The following PLXDC2 variants were observed in gnomAD, a reference collection of about 807,000 sequenced individuals.
PLXDC2 encodes plexin domain containing 2, also known as plexin domain-containing protein 2.
PLXDC2 carries 40 observed loss-of-function variants against 68.9 expected under a neutral mutation model. The observed-to-expected ratio is 0.58, with a 90% CI of 0.45 to 0.76. PLXDC2 has a LOEUF of 0.76. Among genes scored for constraint, PLXDC2 ranks in the 30% least tolerant of loss-of-function variants. PLXDC2 has a pLI of 0.00. For synonymous variants in PLXDC2, 243 were observed against 234.2 expected (o/e 1.04, Z -0.34); for missense variants, 644 against 661.9 (o/e 0.97, Z 0.30).
In PLXDC2 at chr10:20,245,236, A is replaced by T. The variant is rs548018607; in HGVS notation, c.1313-109A>T. ...TGATGTTGCAGAAAAGTTGTCCAGG[A>T]AGTAAAGATCCAGTCGTACTTTATT... On this transcript the variant is annotated intron_variant, in intron 12 of 13. Coordinates refer to ENST00000377252, the MANE Select transcript of PLXDC2 (RefSeq NM_032812.9). 1.7e-3 allele frequency: 1,996 copies of T among 1,204,890 alleles called. 4 individuals carry two copies. The highest frequency in any genetic ancestry group is 2.0e-3 in the Non-Finnish European group (1,802 of 900,296). 74.6% of individuals were successfully genotyped at this position (1,204,890 alleles called of 1,614,324 possible).
intron 1 of PLXDC2, among the ~76,000 whole-genome samples, chr10:19,829,083 G>A (rs1836631054): frequency 6.6e-6 from 1 of 151,032 alleles, no homozygotes; most frequent in Admixed American, 6.6e-5. Flanking sequence ...TCCTTCCCCA[G>A]GATCCCCGTA....
chr10:19,979,174 A>C (rs965559340), intron 1 of PLXDC2, among the ~76,000 whole-genome samples: 5 of 152,150 alleles, frequency 3.3e-5, no homozygotes, highest in Non-Finnish European at 7.3e-5. Flanking sequence ...CCACTTCTGC[A>C]TAAGACTTTA....
intron 4 of PLXDC2, among the ~76,000 whole-genome samples, chr10:20,110,637 C>T (rs750324311): frequency 1.3e-5 from 2 of 152,138 alleles, no homozygotes; most frequent in Non-Finnish European, 2.9e-5. Context: ...CTCTGAACGC[C>T]GGTCACTGTC....
At chr10:20,025,663 A>C (rs981000563) in intron 2 of PLXDC2, among the ~76,000 whole-genome samples, 2 of 151,630 alleles carry the variant, frequency 1.3e-5, no homozygotes, top group African/African-American at 4.8e-5. Flanking sequence ...TCTTTTTTTT[A>C]TATGTTTGTT....
At position 20,288,525 on chromosome 10, in the gene PLXDC2, T is replaced by C. The variant is rs1037821251; in HGVS notation, c.*8706T>C. On this transcript the variant is annotated 3_prime_UTR_variant, in exon 14 of 14. Transcript: ENST00000377252. ...GAGAGCAAAAAGAGTGTGACCTCTA[T>C]TGGAAACCTTTGTTCAAATTCAATA... 5 of 152,142 alleles carry C rather than the reference T, an allele frequency of 3.3e-5. No individual in the cohort carries two copies. The highest frequency in any genetic ancestry group is 1.2e-4 in the African/African-American group (5 of 41,436). 9.4% of individuals were successfully genotyped at this position (152,142 alleles called of 1,614,324 possible). A position where few individuals can be genotyped will look rare whatever the true frequency, so the allele number is the denominator to read the frequency against.
chr10:20,279,578 A>C (rs966569), intron 13 of PLXDC2, 125 bp from the exon 14 acceptor site: 73,565 of 732,286 alleles, frequency 0.1, 4,170 homozygotes, highest in Middle Eastern at 0.13. Flanking sequence ...CTGTAGCTAT[A>C]ATAAGAGATA....
chr10:20,113,828 C>T (rs1833588539), intron 4 of PLXDC2, among the ~76,000 whole-genome samples: 1 of 152,120 alleles, frequency 6.6e-6, no homozygotes, highest in Admixed American at 6.5e-5. Context: ...GAATGCTCTT[C>T]CAATTAAGCA....
intron 9 of PLXDC2, among the ~76,000 whole-genome samples, chr10:20,209,405 A>AG (rs1278771415): frequency 6.6e-6 from 1 of 151,834 alleles, no homozygotes; most frequent in African/African-American, 2.4e-5. Context: ...GGAAGAGGGG[A>AG]GGGATAGCAT....
intron 4 of PLXDC2, among the ~76,000 whole-genome samples, chr10:20,088,929 G>A (rs1397842584): frequency 2.0e-5 from 3 of 152,068 alleles, no homozygotes; most frequent in East Asian, 3.9e-4. Flanking sequence ...TTTTGCATTT[G>A]ACCTTGTCTG....
chr10:19,912,224 T>C (rs555024567), intron 1 of PLXDC2, among the ~76,000 whole-genome samples: 2 of 152,328 alleles, frequency 1.3e-5, no homozygotes, highest in African/African-American at 4.8e-5. Flanking sequence ...TTGCCTGTTT[T>C]TCTATAAGCC....
At chr10:19,900,108 G>A (rs1458927190) in intron 1 of PLXDC2, among the ~76,000 whole-genome samples, 1 of 152,042 alleles carries the variant, frequency 6.6e-6, no homozygotes, top group Admixed American at 6.6e-5. Context: ...ATTTCCAAAG[G>A]CACATAGCCA....
At chr10:20,193,934 C>G (rs937608527) in intron 9 of PLXDC2, among the ~76,000 whole-genome samples, 4 of 151,926 alleles carry the variant, frequency 2.6e-5, no homozygotes, top group African/African-American at 9.7e-5. Flanking sequence ...GGGAAGAACA[C>G]TGTTTTATGA....
chr10:19,889,339 A>G (rs1837905577), intron 1 of PLXDC2, among the ~76,000 whole-genome samples: 1 of 152,048 alleles, frequency 6.6e-6, no homozygotes, highest in Non-Finnish European at 1.5e-5. Flanking sequence ...TGGGACCGTG[A>G]ATTAACTCAT....
intron 12 of PLXDC2, among the ~76,000 whole-genome samples, chr10:20,242,493 A>G (rs1835530004): frequency 6.6e-6 from 1 of 152,226 alleles, no homozygotes; most frequent in Admixed American, 6.5e-5. Context: ...ACTGAAGACC[A>G]GACAGATGAG....
rs1834012452 is a variant in PLXDC2, at chr10:20,141,947, T to C, written c.542-1348T>C. ...GATAAAAGTACACATTGAAGATTTT[T>C]ACAGTTAAAAATTTTTTTAGATGAA... On this transcript the variant is annotated intron_variant, in intron 4 of 13. Transcript: ENST00000377252. Among the ~76,000 whole-genome samples the C allele has an allele frequency of 2.0e-5, 3 of 152,064 alleles. No homozygotes were observed. In the South Asian group the frequency reaches 6.2e-4, roughly 31 times the overall value.
chr10:19,837,387 A>T, intron 1 of PLXDC2, among the ~76,000 whole-genome samples: 1 of 107,788 alleles, frequency 9.3e-6, no homozygotes, highest in Non-Finnish European at 2.2e-5. Context: ...TGAGTAAGTG[A>T]GAGAGAGAGA....
intron 4 of PLXDC2, among the ~76,000 whole-genome samples, chr10:20,133,536 G>C (rs1432661179): frequency 6.6e-6 from 1 of 152,050 alleles, no homozygotes; most frequent in Non-Finnish European, 1.5e-5. Flanking sequence ...TCTCTCTTTT[G>C]CCCTATAAGG....
intron 4 of PLXDC2, among the ~76,000 whole-genome samples, chr10:20,084,900 A>C (rs1211508173): frequency 6.6e-6 from 1 of 151,320 alleles, no homozygotes; most frequent in Admixed American, 6.6e-5. Flanking sequence ...AAAAAATAAC[A>C]TGAGTTCTGG....
At chr10:19,850,302 A>C (rs1343192047) in intron 1 of PLXDC2, among the ~76,000 whole-genome samples, 3 of 150,820 alleles carry the variant, frequency 2.0e-5, no homozygotes, top group African/African-American at 7.3e-5. Context: ...TTAGATACAC[A>C]CACATTTTGA....
Sources: allele counts gnomAD v4.1 joint callset (sites outside exome capture counted in the v4.1 genomes callset), GRCh38; gene constraint gnomAD v4.1.1; transcripts MANE v1.5; gene names NCBI Gene and HGNC (gene_info 2026-07-23, HGNC 2026-07-21).